CPNE4: variants seen among roughly 807,000 people sequenced by gnomAD.
CPNE4 encodes copine 4.
Under a neutral mutation model 67.9 loss-of-function variants are expected in CPNE4, and 25 were observed. That is an observed-to-expected ratio of 0.37 (90% CI 0.27 to 0.51). The LOEUF (loss-of-function observed/expected upper bound fraction) is 0.51, where lower values mean the gene tolerates loss of function less well. CPNE4 is among the 20% of genes least tolerant of loss of function. The probability of loss-of-function intolerance (pLI) is 0.93; values close to 1 mark genes in which losing one functional copy is unlikely to be tolerated. For synonymous variants in CPNE4, 242 were observed against 244.9 expected, an observed-to-expected ratio of 0.99 and a Z score of 0.11; for missense variants, 464 against 690.8, an observed-to-expected ratio of 0.67 and a Z score of 3.68.
At chr3:131,619,162 A>T (rs1940328017) in intron 7 of CPNE4, among the ~76,000 whole-genome samples, 1 of 152,222 alleles carries the variant, frequency 6.6e-6, no homozygotes. Context: ...TTAGGAAAGG[A>T]AAATCACAAA....
At chr3:131,806,357 T>C (rs1321583687) in intron 2 of CPNE4, among the ~76,000 whole-genome samples, 4 of 152,060 alleles carry the variant, frequency 2.6e-5, no homozygotes, top group Non-Finnish European at 5.9e-5. Context: ...GAGACCATCC[T>C]GGCTAACATG....
In CPNE4 at chr3:131,669,039, G is replaced by A. The variant is rs553382625; in HGVS notation, c.681+636C>T. ...AGTTCTGAGCCTAGGCCCTAAAGAG[G>A]TCTTATGGGGCTCTGTTCTTGCATT... is the stretch of plus-strand genomic sequence containing the variant. On this transcript the variant is annotated intron_variant, in intron 7 of 15. Transcript: ENST00000429747. Among the ~76,000 whole-genome samples, 19 of 152,222 alleles carry A rather than the reference G, an allele frequency of 1.2e-4. No individual in the cohort carries two copies. The East Asian group carries it at 3.1e-3, about 25-fold the overall frequency.
chr3:131,699,391 G>A (rs1025783658), intron 4 of CPNE4, among the ~76,000 whole-genome samples: 8 of 152,200 alleles, frequency 5.3e-5, no homozygotes, highest in Non-Finnish European at 1.2e-4. Context: ...CATGTGGCTA[G>A]TGGCTACTGA....
At chr3:131,605,495 G>A (rs995309320) in intron 7 of CPNE4, among the ~76,000 whole-genome samples, 61 of 152,050 alleles carry the variant, frequency 4.0e-4, no homozygotes, top group African/African-American at 1.4e-3. Context: ...CTAAGCCCTA[G>A]AGCATTCCAT....
At chr3:131,997,261 C>A (rs9834560) in intron 1 of CPNE4, among the ~76,000 whole-genome samples, 63,750 of 151,852 alleles carry the variant, frequency 0.42, 13,380 homozygotes, top group East Asian at 0.51. Context: ...CTGCTGTTAT[C>A]CTAAACACAG....
intron 2 of CPNE4, among the ~76,000 whole-genome samples, chr3:131,725,434 T>C (rs1244250339): frequency 6.6e-6 from 1 of 152,226 alleles, no homozygotes; most frequent in Non-Finnish European, 1.5e-5. Flanking sequence ...AGCCCATTGC[T>C]GACTAGAATT....
intron 1 of CPNE4, among the ~76,000 whole-genome samples, chr3:132,022,376 C>A (rs1293423079): frequency 6.6e-6 from 1 of 152,130 alleles, no homozygotes; most frequent in East Asian, 1.9e-4. Context: ...ACAAGTAACT[C>A]ACAACTTCTT....
chr3:131,738,016 C>T (rs2082277808), intron 2 of CPNE4, among the ~76,000 whole-genome samples: 1 of 152,186 alleles, frequency 6.6e-6, no homozygotes, highest in Admixed American at 6.5e-5. Context: ...CCTAGGGATT[C>T]AGCATTAAGC....
At chr3:131,842,839 A>C (rs968428256) in intron 2 of CPNE4, among the ~76,000 whole-genome samples, 1 of 152,170 alleles carries the variant, frequency 6.6e-6, no homozygotes, top group Non-Finnish European at 1.5e-5. Context: ...AACATGAAAC[A>C]CTTGATTCCA....
intron 1 of CPNE4, among the ~76,000 whole-genome samples, chr3:131,967,804 G>A (rs1382520666): frequency 6.6e-6 from 1 of 152,138 alleles, no homozygotes; most frequent in Non-Finnish European, 1.5e-5. Context: ...TAGATTCAAT[G>A]CTGTTTCCAT....
At chr3:131,881,980 C>A (rs940611404) in intron 2 of CPNE4, among the ~76,000 whole-genome samples, 10 of 152,130 alleles carry the variant, frequency 6.6e-5, no homozygotes, top group Admixed American at 3.9e-4. Context: ...TACCAGAGTG[C>A]TTTTTCTTCT....
chr3:131,797,740 A>T (rs1209408600), intron 2 of CPNE4, among the ~76,000 whole-genome samples: 1 of 152,198 alleles, frequency 6.6e-6, no homozygotes, highest in Non-Finnish European at 1.5e-5. Context: ...TATATAAGCT[A>T]TCCTGCTCAG....
chr3:131,602,201 G>T (rs1459022156), intron 7 of CPNE4, among the ~76,000 whole-genome samples: 1 of 152,102 alleles, frequency 6.6e-6, no homozygotes, highest in East Asian at 1.9e-4. Context: ...GAATACCCAG[G>T]AGTCTGTGGT....
chr3:131,781,782 G>C (rs1488842265), intron 2 of CPNE4, among the ~76,000 whole-genome samples: 1 of 152,046 alleles, frequency 6.6e-6, no homozygotes, highest in Non-Finnish European at 1.5e-5. Flanking sequence ...AGCCCTGTCA[G>C]ATACTAATGA....
At chr3:131,635,096 G>A (rs2079340755) in intron 7 of CPNE4, among the ~76,000 whole-genome samples, 2 of 152,110 alleles carry the variant, frequency 1.3e-5, no homozygotes, top group South Asian at 2.1e-4. Context: ...CATGATTTCT[G>A]TAGAAGAGCA....
intron 10 of CPNE4, among the ~76,000 whole-genome samples, chr3:131,567,593 T>G (rs1365718487): frequency 6.6e-6 from 1 of 151,970 alleles, no homozygotes; most frequent in South Asian, 2.1e-4. Flanking sequence ...GACCCTACTA[T>G]GTCATTTTCA....
intron 2 of CPNE4, among the ~76,000 whole-genome samples, chr3:131,877,030 C>T (rs1025330224): frequency 1.2e-4 from 18 of 151,710 alleles, no homozygotes; most frequent in African/African-American, 2.9e-4. Context: ...GACACCAAAC[C>T]GGCATCCTTC....
intron 1 of CPNE4, among the ~76,000 whole-genome samples, chr3:131,932,776 G>GA (rs2071105690): frequency 6.6e-6 from 1 of 151,932 alleles, no homozygotes; most frequent in Non-Finnish European, 1.5e-5. Context: ...AGCATGCACT[G>GA]GGAGGCCAAG....
At chr3:131,823,233 G>T (rs913115760) in intron 2 of CPNE4, among the ~76,000 whole-genome samples, 27 of 152,326 alleles carry the variant, frequency 1.8e-4, no homozygotes, top group African/African-American at 5.8e-4. Flanking sequence ...CATGCATTGT[G>T]CTAGATGCTT....
Sources: gnomAD v4.1 joint callset for allele counts (sites outside exome capture counted in the v4.1 genomes callset) on GRCh38, gnomAD v4.1.1 for gene constraint, MANE v1.5 for transcripts, NCBI Gene and HGNC (gene_info 2026-07-23, HGNC 2026-07-21) for gene names.